The following SLC25A48 variants were observed in gnomAD, a reference collection of about 807,000 sequenced individuals.
SLC25A48 encodes the protein CTC-321K16.1.
Under a neutral mutation model 32.2 loss-of-function variants are expected in SLC25A48, and 29 were observed. That is an observed-to-expected ratio of 0.90 (90% CI 0.67 to 1.23). SLC25A48 has a LOEUF of 1.23. Ranked by LOEUF, SLC25A48 falls within the 50% of genes most tolerant of loss-of-function variation. The probability of loss-of-function intolerance (pLI) is 0.00; values close to 1 mark genes in which losing one functional copy is unlikely to be tolerated. For synonymous variants in SLC25A48, 164 were observed against 172.3 expected (o/e 0.95, Z 0.38); for missense variants, 399 against 422.7 (o/e 0.94, Z 0.49).
chr5:135,624,784 G>A (rs971578101), intron 1 of SLC25A48, among the ~76,000 whole-genome samples: 2 of 152,206 alleles, frequency 1.3e-5, no homozygotes, highest in Non-Finnish European at 2.9e-5. Flanking sequence ...TGGTGTGGCT[G>A]GCTTGGCATT....
chr5:135,612,813 A>G (rs1015459887), intron 1 of SLC25A48, among the ~76,000 whole-genome samples: 5 of 152,200 alleles, frequency 3.3e-5, no homozygotes, highest in African/African-American at 1.2e-4. Flanking sequence ...TTCTTTATGC[A>G]TTTGTCCATT....
At chr5:135,583,876 G>A (rs145549618) in intron 1 of SLC25A48, among the ~76,000 whole-genome samples, 1 of 152,322 alleles carries the variant, frequency 6.6e-6, no homozygotes, top group African/African-American at 2.4e-5. Context: ...GCAGCCAGCT[G>A]CCTCCTCTGT....
intron 2 of SLC25A48, among the ~76,000 whole-genome samples, chr5:135,631,095 G>C (rs182203156): frequency 3.1e-3 from 471 of 152,298 alleles, no homozygotes; most frequent in Middle Eastern, 0.01. Flanking sequence ...CCTCGAGTTA[G>C]ATGCATGTAC....
intron 4 of SLC25A48, chr5:135,812,937 G>C (rs1757622462): frequency 6.6e-6 from 1 of 152,590 alleles, no homozygotes; most frequent in Admixed American, 6.5e-5. Flanking sequence ...GTGAGTGCCA[G>C]CTGCAGGTGG....
intron 4 of SLC25A48, among the ~76,000 whole-genome samples, chr5:135,858,455 C>A (rs770056193): frequency 2.6e-5 from 4 of 152,194 alleles, no homozygotes; most frequent in Non-Finnish European, 4.4e-5. Context: ...ATGGTCTTGG[C>A]AGTAGTGGCT....
At chr5:135,653,642 C>T (rs1054366875) in intron 3 of SLC25A48, among the ~76,000 whole-genome samples, 1 of 152,172 alleles carries the variant, frequency 6.6e-6, no homozygotes, top group African/African-American at 2.4e-5. Flanking sequence ...GAGGAGACTG[C>T]AGGCTAGTTG....
intron 4 of SLC25A48, among the ~76,000 whole-genome samples, chr5:135,864,443 C>T (rs976491806): frequency 1.3e-5 from 2 of 152,198 alleles, no homozygotes; most frequent in African/African-American, 4.8e-5. Context: ...CCTGAAGGGA[C>T]ACACAACCCT....
At chr5:135,651,079 G>A (rs1753099482) in intron 3 of SLC25A48, among the ~76,000 whole-genome samples, 1 of 152,106 alleles carries the variant, frequency 6.6e-6, no homozygotes, top group Admixed American at 6.6e-5. Context: ...TTGACAAAGA[G>A]CATTGGAGGG....
chr5:135,648,071 C>T (rs150271637), intron 3 of SLC25A48, among the ~76,000 whole-genome samples: 52 of 152,222 alleles, frequency 3.4e-4, no homozygotes, highest in East Asian at 1.4e-3. Context: ...AGATTCATTC[C>T]GGGGTCCACT....
chr5:135,879,580 C>T (rs952322667), intron 6 of SLC25A48, among the ~76,000 whole-genome samples: 20 of 141,560 alleles, frequency 1.4e-4, no homozygotes, highest in Admixed American at 4.2e-4. Context: ...TCTAGATTCC[C>T]GAGGAGAGAG....
chr5:135,721,963 C>T (rs1319987005), intron 3 of SLC25A48, among the ~76,000 whole-genome samples: 2 of 152,228 alleles, frequency 1.3e-5, no homozygotes, highest in African/African-American at 2.4e-5. Flanking sequence ...GGCCACTGAG[C>T]CCAGGTATGT....
At chr5:135,686,946 G>GT (rs541107047) in intron 3 of SLC25A48, among the ~76,000 whole-genome samples, 1,594 of 145,216 alleles carry the variant, frequency 0.011, 8 homozygotes, top group South Asian at 0.019. Flanking sequence ...GGAAAGGGTT[G>GT]TTTTTTTTTT....
In SLC25A48 at chr5:135,708,941, G is replaced by A. The variant is rs192530136; in HGVS notation, c.-521+73985G>A. On this transcript the variant is annotated intron_variant, in intron 3 of 10. Transcript: ENST00000646290. ...CCTTGTAGAATATGACATTTGCTTT[G>A]CTTAAAGTTAGTAAAATGCCATTTT... Among the ~76,000 whole-genome samples, 1,400 of 152,228 alleles carry A rather than the reference G, an allele frequency of 9.2e-3. 11 individuals are homozygous for A. The highest frequency in any genetic ancestry group is 0.02 in the Middle Eastern group (6 of 294).
intron 3 of SLC25A48, among the ~76,000 whole-genome samples, chr5:135,679,797 G>A (rs1235710030): frequency 6.6e-6 from 1 of 152,146 alleles, no homozygotes; most frequent in East Asian, 1.9e-4. Flanking sequence ...GCAGTCTGCT[G>A]GAGCTGGGCT....
At chr5:135,746,367 G>A in intron 3 of SLC25A48, 1 of 164,130 alleles carries the variant, frequency 6.1e-6, no homozygotes, top group Non-Finnish European at 1.3e-5. Context: ...AGTCTGCACA[G>A]AGACAAGACC....
intron 1 of SLC25A48, among the ~76,000 whole-genome samples, chr5:135,606,428 T>G (rs542806126): frequency 6.6e-6 from 1 of 152,328 alleles, no homozygotes; most frequent in South Asian, 2.1e-4. Flanking sequence ...AGTGGACAAA[T>G]AACTCCACTA....
intron 3 of SLC25A48, among the ~76,000 whole-genome samples, chr5:135,748,202 T>C (rs1173524689): frequency 6.6e-6 from 1 of 152,208 alleles, no homozygotes; most frequent in Non-Finnish European, 1.5e-5. Flanking sequence ...TGAGAGGCAG[T>C]AAAGAGCAGA....
chr5:135,721,642 G>A (rs147613091), intron 3 of SLC25A48, among the ~76,000 whole-genome samples: 338 of 152,304 alleles, frequency 2.2e-3, no homozygotes, highest in African/African-American at 7.6e-3. Flanking sequence ...CTGCATAATT[G>A]AAATGGATCC....
intron 3 of SLC25A48, among the ~76,000 whole-genome samples, chr5:135,797,206 C>A (rs549863254): frequency 2.0e-5 from 3 of 151,858 alleles, no homozygotes; most frequent in African/African-American, 7.3e-5. Context: ...TGGGTGTACA[C>A]CCCCATGTGA....
Sources: gnomAD v4.1 joint callset for allele counts (sites outside exome capture counted in the v4.1 genomes callset) on GRCh38, gnomAD v4.1.1 for gene constraint, MANE v1.5 for transcripts, NCBI Gene and HGNC (gene_info 2026-07-23, HGNC 2026-07-21) for gene names.